The following SLC44A2 variants were observed in gnomAD, a reference collection of about 807,000 sequenced individuals.
SLC44A2 encodes solute carrier family 44 member 2 (CTL2 blood group), also known as choline transporter-like protein 2.
SLC44A2 carries 57 observed loss-of-function variants against 90.8 expected under a neutral mutation model. The observed-to-expected ratio is 0.63, with a 90% CI of 0.51 to 0.78. The LOEUF (loss-of-function observed/expected upper bound fraction) is 0.78. Among genes scored for constraint, SLC44A2 ranks in the 30% least tolerant of loss-of-function variants. SLC44A2 has a pLI of 0.00. For synonymous variants in SLC44A2, 355 were observed against 360.7 expected, an observed-to-expected ratio of 0.98 and a Z score of 0.18; for missense variants, 794 against 919.7, an observed-to-expected ratio of 0.86 and a Z score of 1.77.
In SLC44A2 at chr19:10,634,966, C is replaced by T; in HGVS notation, c.956-8C>T. On this transcript the variant is annotated splice_region_variant and splice_polypyrimidine_tract_variant and intron_variant, in intron 11 of 21. Transcript: ENST00000335757. The stretch of plus-strand genomic sequence containing the variant: ...GAGCCCAGCCGGCTCAGCCTTTGCC[C>T]TTTGCAGTGATCATTCTGAGTATCC... The T allele has an allele frequency of 6.2e-7, 1 of 1,614,184 alleles. No homozygotes were observed. Among genetic ancestry groups the T allele is most frequent in the Non-Finnish European group, 8.5e-7 (1 of 1,180,040 alleles).
chr19:10,632,159 G>A lies in SLC44A2; in HGVS notation c.823+3G>A, dbSNP rs761803181. 6.2e-6 allele frequency: 10 copies of A among 1,609,912 alleles called. No individual in the cohort carries two copies. In the African/African-American group the frequency reaches 1.1e-4, roughly 17 times the overall value. On this transcript the variant is annotated splice_donor_region_variant and intron_variant, in intron 10 of 21. Transcript: ENST00000335757. ...GGTGATTCTGGTGCTGGGCTACGGT[G>A]CGTCACCCCCTCCCTGTGGCTTCTC...
intron 20 of SLC44A2, chr19:10,641,288 T>C (rs2067113218): frequency 5.3e-6 from 2 of 380,494 alleles, no homozygotes. Context: ...CAGCTCCTTG[T>C]AAGCCTGAGG....
intron 13 of SLC44A2, 60 bp downstream of exon 13, chr19:10,635,315 A>G: frequency 3.1e-6 from 5 of 1,607,460 alleles, no homozygotes. Flanking sequence ...AACTTTGCCT[A>G]GAAGTGACCT....
chr19:10,631,196 C>T, intron 5 of SLC44A2, 55 bp downstream of exon 5: 1 of 1,605,218 alleles, frequency 6.2e-7, no homozygotes. Flanking sequence ...ATCCTTTTCC[C>T]CCTGTGAATG....
intron 16 of SLC44A2, 82 bp downstream of exon 16, chr19:10,636,838 G>A (rs2067061882): frequency 1.4e-6 from 2 of 1,412,680 alleles, no homozygotes; most frequent in African/African-American, 1.4e-5. Context: ...TTGCTTGGAG[G>A]TGGGCGGGGC....
intron 1 of SLC44A2, among the ~76,000 whole-genome samples, chr19:10,604,974 C>A (rs912144789): frequency 2.0e-5 from 3 of 152,158 alleles, no homozygotes; most frequent in African/African-American, 7.2e-5. Context: ...TCCTTCCCAG[C>A]CAGCCCACCC....
At chr19:10,620,310 A>C (rs1599236824) in intron 1 of SLC44A2, among the ~76,000 whole-genome samples, 1 of 152,182 alleles carries the variant, frequency 6.6e-6, no homozygotes, top group South Asian at 2.1e-4. Context: ...GTGAAACCCC[A>C]TCTCTACTGA....
At chr19:10,627,693 C>T in intron 2 of SLC44A2, 29 bp from the exon 3 acceptor site, 1 of 1,611,450 alleles carries the variant, frequency 6.2e-7, no homozygotes, top group Non-Finnish European at 8.5e-7. Flanking sequence ...CACCAAGCCT[C>T]CTCCAAACAC....
chr19:10,628,183 G>A (rs2066955219), intron 4 of SLC44A2, among the ~76,000 whole-genome samples, 179 bp downstream of exon 4: 1 of 152,174 alleles, frequency 6.6e-6, no homozygotes, highest in South Asian at 2.1e-4. Context: ...CTAGGAGTTC[G>A]AGACCAGCCT....
rs182602485 is a variant in SLC44A2, at chr19:10,607,111, C to T, written c.31+4550C>T. ...GTATTTTTTAGTAGAGACCGGGTTT[C>T]GCCATGTTAGCCAGGATGGTCTCGA... On this transcript the variant is annotated intron_variant, in intron 1 of 21. Transcript: ENST00000407327. Among the ~76,000 whole-genome samples, 990 of 151,888 alleles carry T rather than the reference C, an allele frequency of 6.5e-3. 13 individuals are homozygous for T. Among genetic ancestry groups the T allele is most frequent in the African/African-American group, 0.023 (942 of 41,442 alleles).
rs2010226 is a variant in SLC44A2, at chr19:10,618,770, C to T, written c.32-7483C>T. 3.0e-3 allele frequency among the ~76,000 whole-genome samples: 448 copies of T among 151,642 alleles called. 1 individual carries two copies. The highest frequency in any genetic ancestry group is 0.01 in the African/African-American group (431 of 41,312). Reference sequence around the variant, plus strand: ...GTGTATTTTAGTAGAGGCAGGGTTTCGCCGTGTTGCCCAGGCTGGTCTCAA... The same window carrying T: ...GTGTATTTTAGTAGAGGCAGGGTTTTGCCGTGTTGCCCAGGCTGGTCTCAA... On this transcript the variant is annotated intron_variant, in intron 1 of 21. Coordinates refer to the SLC44A2 transcript ENST00000407327.
At chr19:10,616,991 G>A (rs987897518) in intron 1 of SLC44A2, among the ~76,000 whole-genome samples, 2 of 151,838 alleles carry the variant, frequency 1.3e-5, no homozygotes, top group East Asian at 1.9e-4. Context: ...GCGCGATCTC[G>A]GCTCACTGCA....
Position 10,634,988 on chromosome 19 carries a change from A to G in SLC44A2, c.970A>G (p.Ile324Val), listed in dbSNP as rs1307790314. The change falls in exon 12 of 22, where the codon ATC becomes GTC. Residue 324 changes from isoleucine to valine, a missense_variant. Physicochemically the swap from Ile to Val is conservative, Grantham distance 29. Around this residue, in one of 3 missense-constraint regions of SLC44A2, gnomAD observed 738 missense variants for 841.1 expected, o/e 0.88. Coordinates refer to ENST00000335757, the MANE Select transcript of SLC44A2 (RefSeq NM_020428.4). ...TWLAFMIILS[I>V]LEVIIILLLI... Reference sequence around the variant, plus strand: ...GCCCTTTGCAGTGATCATTCTGAGTATCCTTGAAGTCATTATCATCTTGCT... The same window carrying G: ...GCCCTTTGCAGTGATCATTCTGAGTGTCCTTGAAGTCATTATCATCTTGCT... 1 of 1,614,122 alleles carries G rather than the reference A, an allele frequency of 6.2e-7. No individual in the cohort carries two copies. Among genetic ancestry groups the G allele is most frequent in the Admixed American group, 1.7e-5 (1 of 60,010 alleles).
intron 1 of SLC44A2, among the ~76,000 whole-genome samples, chr19:10,610,586 G>T (rs1431778575): frequency 6.7e-6 from 1 of 148,168 alleles, no homozygotes; most frequent in Non-Finnish European, 1.5e-5. Flanking sequence ...GCCCGCCTCG[G>T]CCTCCCAAAG....
chr19:10,637,614 C>A lies in SLC44A2; in HGVS notation c.1592-30C>A, dbSNP rs370344485. 8 of 1,597,982 alleles carry A rather than the reference C, an allele frequency of 5.0e-6. No homozygotes were observed. In the Admixed American group the frequency reaches 1.3e-4, roughly 27 times the overall value. On this transcript the variant is annotated intron_variant, in intron 16 of 21. Coordinates refer to ENST00000335757, the MANE Select transcript of SLC44A2 (RefSeq NM_020428.4). ...CTTCCAAGTCAGGCTGGTGTCCCCT[C>A]ACTTCCACATCCCTTCCCTTCTCTT...
rs577641839 is a variant in SLC44A2 at position 10,625,864 on chromosome 19, A to T, written c.37+194A>T. Among the ~76,000 whole-genome samples the T allele has an allele frequency of 2.9e-3, 439 of 149,856 alleles. 4 individuals are homozygous for T. The highest frequency in any genetic ancestry group is 0.01 in the African/African-American group (426 of 40,764). On this transcript the variant is annotated intron_variant, in intron 1 of 21. Coordinates refer to ENST00000335757, the MANE Select transcript of SLC44A2 (RefSeq NM_020428.4). Reference sequence around the variant, plus strand: ...CGCAGCCTCGCAGACGACCCTCCTTACTCTCCCCTACCCGAAGGACCTGCC... The same window carrying T: ...CGCAGCCTCGCAGACGACCCTCCTTTCTCTCCCCTACCCGAAGGACCTGCC...
chr19:10,620,614 G>A (rs1037532885), upstream of SLC44A2, among the ~76,000 whole-genome samples: 11 of 152,080 alleles, frequency 7.2e-5, no homozygotes, highest in African/African-American at 2.7e-4. Context: ...TTTGTTTTAT[G>A]CCAGGGGCTA....
chr19:10,638,395 T>C, intron 20 of SLC44A2, 80 bp downstream of exon 20: 1 of 1,309,830 alleles, frequency 7.6e-7, no homozygotes, highest in Admixed American at 1.7e-5. Flanking sequence ...ACTAGATAAA[T>C]GTGGATAGAG....
At position 10,637,714 on chromosome 19, in the gene SLC44A2, C is replaced by A. The variant is rs1272763846; in HGVS notation, c.1662C>A (p.Phe554Leu). ...GCTGCTTCTGGTGCCTGGAGAAGTT[C>A]ATCAAATTCCTTAATAGGAATGCCT... Reference protein sequence around the residue: ...LKCCFWCLEKFIKFLNRNAYI... With the variant: ...LKCCFWCLEKLIKFLNRNAYI... Residue 554 changes from phenylalanine to leucine, a missense_variant, in exon 17 of 22, where the codon TTC (phenylalanine) becomes TTA (leucine). Phe to Leu is a conservative substitution (Grantham distance 22, BLOSUM62 0). Around this residue, in one of 3 missense-constraint regions of SLC44A2, gnomAD observed 738 missense variants for 841.1 expected, o/e 0.88. Transcript: ENST00000335757. 10 of 1,613,996 alleles carry A rather than the reference C, an allele frequency of 6.2e-6. No homozygotes were observed. Among genetic ancestry groups the A allele is most frequent in the Non-Finnish European group, 7.6e-6 (9 of 1,180,028 alleles).
Sources: gnomAD v4.1 joint callset for allele counts (sites outside exome capture counted in the v4.1 genomes callset) on GRCh38, gnomAD v4.1.1 for gene constraint, gnomAD v4.1.1 regional missense constraint, MANE v1.5 for transcripts, NCBI Gene and HGNC (gene_info 2026-07-23, HGNC 2026-07-21) for gene names.